The following RASGRF2 variants were observed in gnomAD, a reference collection of about 807,000 sequenced individuals.
The protein encoded by RASGRF2 is ras-specific guanine nucleotide-releasing factor 2.
A neutral mutation model predicts 151.0 loss-of-function variants in RASGRF2; 76 were observed. The ratio of observed to expected loss-of-function variants is 0.50; its 90% CI spans 0.42 to 0.61. The LOEUF is 0.61. Among genes scored for constraint, RASGRF2 ranks in the 20% least tolerant of loss-of-function variants. RASGRF2 has a pLI of 0.00. For synonymous variants in RASGRF2, 504 were observed against 566.5 expected (o/e 0.89, Z 1.57); for missense variants, 1,148 against 1,564.6 (o/e 0.73, Z 4.49).
At chr5:81,199,829 C>T (rs754218236) in intron 18 of RASGRF2, among the ~76,000 whole-genome samples, 15 of 139,576 alleles carry the variant, frequency 1.1e-4, no homozygotes, top group Non-Finnish European at 1.7e-4. Context: ...ACCCGGGAAG[C>T]GGAGGTTGCA....
intron 1 of RASGRF2, among the ~76,000 whole-genome samples, chr5:80,980,496 G>A (rs2112237278): frequency 6.6e-6 from 1 of 152,248 alleles, no homozygotes; most frequent in South Asian, 2.1e-4. Context: ...ATGAAAATTA[G>A]CCAGGCATGG....
chr5:80,961,038 C>T lies in RASGRF2; in HGVS notation c.288+12C>T, dbSNP rs1747533858. On this transcript the variant is annotated intron_variant, in intron 1 of 26. Transcript: ENST00000265080. ...CGCTGGACAAGCAGGTACCGCGCGC[C>T]TTCTCTCCGCGGTCTCCCAGCCTTG... 2 of 1,445,244 alleles carry T rather than the reference C, an allele frequency of 1.4e-6. No individual in the cohort carries two copies. Among genetic ancestry groups the T allele is most frequent in the Non-Finnish European group, 1.8e-6 (2 of 1,093,846 alleles). 89.5% of individuals were successfully genotyped at this position (1,445,244 alleles called of 1,614,324 possible). A position where few individuals can be genotyped will look rare whatever the true frequency, so the allele number is the denominator to read the frequency against.
chr5:80,973,663 A>C (rs960227499), intron 1 of RASGRF2, among the ~76,000 whole-genome samples: 1 of 152,180 alleles, frequency 6.6e-6, no homozygotes, highest in African/African-American at 2.4e-5. Context: ...CGGTATCCTG[A>C]ATTTTCAAAA....
chr5:81,219,683 ATTTTG>A (rs1001802476), intron 25 of RASGRF2, 22 bp from the exon 26 acceptor site: 2 of 1,573,576 alleles, frequency 1.3e-6, no homozygotes, highest in Admixed American at 3.4e-5. Flanking sequence ...TGTTGTTGTC[ATTTTG>A]TTTTGTTTTT....
intron 26 of RASGRF2, 49 bp downstream of exon 26, chr5:81,219,827 T>C (rs1755820912): frequency 7.0e-7 from 1 of 1,435,350 alleles, no homozygotes; most frequent in Non-Finnish European, 9.7e-7. Context: ...AAGGGGAAAT[T>C]AATGAATTAG....
intron 1 of RASGRF2, among the ~76,000 whole-genome samples, chr5:81,020,977 C>T (rs1028699015): frequency 6.6e-6 from 1 of 152,142 alleles, no homozygotes; most frequent in Non-Finnish European, 1.5e-5. Context: ...CACCTGGAGG[C>T]ATCAGGATTC....
At chr5:81,070,459 C>T in intron 3 of RASGRF2, 33 bp from the exon 4 acceptor site, 1 of 1,525,616 alleles carries the variant, frequency 6.6e-7, no homozygotes, top group Non-Finnish European at 9.1e-7. Context: ...CAGCATTTCC[C>T]AAATCATGAA....
At chr5:81,202,657 T>A (rs1295791372) in intron 19 of RASGRF2, among the ~76,000 whole-genome samples, 1 of 152,246 alleles carries the variant, frequency 6.6e-6, no homozygotes, top group Non-Finnish European at 1.5e-5. Flanking sequence ...ATAAGGCCAT[T>A]GCCAGTGTAA....
chr5:81,066,547 C>A (rs971500612), intron 2 of RASGRF2, among the ~76,000 whole-genome samples: 1 of 152,150 alleles, frequency 6.6e-6, no homozygotes, highest in Non-Finnish European at 1.5e-5. Flanking sequence ...GGGCCTGGCA[C>A]CAGGAACTAG....
chr5:80,991,215 T>C (rs1748639725), intron 1 of RASGRF2, among the ~76,000 whole-genome samples: 1 of 152,030 alleles, frequency 6.6e-6, no homozygotes, highest in African/African-American at 2.4e-5. Context: ...TGCCAGCAAT[T>C]TGGGAGGCCA....
intron 5 of RASGRF2, among the ~76,000 whole-genome samples, chr5:81,074,907 A>G (rs768682029): frequency 6.6e-5 from 10 of 152,154 alleles, no homozygotes; most frequent in Non-Finnish European, 1.3e-4. Flanking sequence ...GTGTCAGTGA[A>G]GGGAAGAGTC....
intron 4 of RASGRF2, 103 bp downstream of exon 4, chr5:81,070,684 T>C (rs1751747105): frequency 1.0e-6 from 1 of 962,220 alleles, no homozygotes; most frequent in Admixed American, 2.3e-5. Flanking sequence ...GCAGCCTTGG[T>C]GTTTCTGGGC....
In RASGRF2 at chr5:81,169,651, C is replaced by T. The variant is rs566704404; in HGVS notation, c.2687-10524C>T. ...AAGACCCTGTTTCCAAATAAAGTAA[C>T]CTTCACAGGTTCTGCATGGATGTGG... On this transcript the variant is annotated intron_variant, in intron 17 of 26. Coordinates refer to ENST00000265080, the MANE Select transcript of RASGRF2 (RefSeq NM_006909.3). 5.3e-5 allele frequency among the ~76,000 whole-genome samples: 8 copies of T among 152,296 alleles called. No individual in the cohort carries two copies. In the South Asian group the frequency reaches 1.7e-3, roughly 32 times the overall value.
At chr5:81,093,669 C>CCTCCCA (rs1752455852) in intron 10 of RASGRF2, among the ~76,000 whole-genome samples, 1 of 152,176 alleles carries the variant, frequency 6.6e-6, no homozygotes, top group Admixed American at 6.5e-5. Flanking sequence ...CCTGCCTTGG[C>CCTCCCA]CTCCCAAAGT....
chr5:81,018,711 T>C (rs1749721828), intron 1 of RASGRF2, among the ~76,000 whole-genome samples: 3 of 151,688 alleles, frequency 2.0e-5, no homozygotes, highest in Admixed American at 6.6e-5. Flanking sequence ...AGGTAATGAA[T>C]TATACGGTGA....
Position 81,123,731 on chromosome 5 carries a change from T to C in RASGRF2, c.2560T>C (p.Ser854Pro). Residue 854 changes from serine to proline, a missense_variant, in exon 16 of 27, where the codon TCA becomes CCA. Ser to Pro is a moderately conservative substitution (Grantham distance 74, BLOSUM62 -1). Transcript: ENST00000265080. ...TTELSPCRSP[S>P]TPRHLRYRQP... ...AGAACTTTCACCTTGCAGATCCCCC[T>C]CAACTCCTCGGCACCTCCGCTATCG... 6.2e-7 allele frequency: 1 copy of C among 1,613,874 alleles called. No individual in the cohort carries two copies. The highest frequency in any genetic ancestry group is 8.5e-7 in the Non-Finnish European group (1 of 1,179,910).
chr5:81,095,066 G>T, intron 12 of RASGRF2, 74 bp downstream of exon 12: 1 of 1,184,960 alleles, frequency 8.4e-7, no homozygotes, highest in South Asian at 2.8e-5. Context: ...AGTTTTTAGA[G>T]GTTTTTTATC....
At chr5:81,142,056 A>C (rs889961963) in intron 17 of RASGRF2, among the ~76,000 whole-genome samples, 12 of 152,240 alleles carry the variant, frequency 7.9e-5, no homozygotes, top group Non-Finnish European at 1.3e-4. Flanking sequence ...AAAGGCACAG[A>C]ATCTGGGCTT....
intron 9 of RASGRF2, among the ~76,000 whole-genome samples, chr5:81,091,065 G>C (rs916816203): frequency 2.0e-5 from 3 of 152,048 alleles, no homozygotes; most frequent in African/African-American, 7.2e-5. Flanking sequence ...TATTTTATGT[G>C]GCTGAATCCC....
Sources: gnomAD v4.1 joint callset for allele counts (sites outside exome capture counted in the v4.1 genomes callset) on GRCh38, gnomAD v4.1.1 for gene constraint, MANE v1.5 for transcripts, NCBI Gene and HGNC (gene_info 2026-07-23, HGNC 2026-07-21) for gene names.